CCT3: variants seen among roughly 807,000 people sequenced by gnomAD.
CCT3 encodes the protein chaperonin containing TCP1 subunit 3, also known as T-complex protein 1 subunit gamma.
CCT3 carries 10 observed loss-of-function variants against 65.3 expected under a neutral mutation model. The observed-to-expected ratio is 0.15, with a 90% confidence interval of 0.09 to 0.26. The LOEUF (loss-of-function observed/expected upper bound fraction) is 0.26. Ranked by LOEUF, CCT3 falls within the 10% of genes least tolerant of loss-of-function variation. CCT3 has a pLI of 1.00. For synonymous variants in CCT3, 225 were observed against 242.3 expected, an observed-to-expected ratio of 0.93 and a Z score of 0.66; for missense variants, 626 against 708.7, an observed-to-expected ratio of 0.88 and a Z score of 1.33.
chr1:156,312,269 T>C (rs371896585), intron 10 of CCT3, 48 bp from the exon 11 acceptor site: 169 of 1,570,016 alleles, frequency 1.1e-4, no homozygotes, highest in Non-Finnish European at 1.3e-4. Flanking sequence ...CAGATACTTG[T>C]ACCCATTTCC....
intron 11 of CCT3, among the ~76,000 whole-genome samples, chr1:156,311,461 A>G (rs1454495470): frequency 2.0e-5 from 3 of 152,196 alleles, no homozygotes; most frequent in South Asian, 2.1e-4. Context: ...CCATTATGCT[A>G]GATTAAGAGC....
chr1:156,324,007 C>T (rs1375201272), intron 6 of CCT3, among the ~76,000 whole-genome samples: 1 of 152,012 alleles, frequency 6.6e-6, no homozygotes, highest in Non-Finnish European at 1.5e-5. Flanking sequence ...AGGTGATCCA[C>T]CCGCCTTGGC....
chr1:156,327,010 C>A (rs958940604), intron 5 of CCT3, among the ~76,000 whole-genome samples: 1 of 152,156 alleles, frequency 6.6e-6, no homozygotes, highest in African/African-American at 2.4e-5. Flanking sequence ...TGTGCCCAGG[C>A]ACCCCAGCCT....
chr1:156,327,003 G>A (rs1286059630), intron 5 of CCT3, among the ~76,000 whole-genome samples: 1 of 152,098 alleles, frequency 6.6e-6, no homozygotes, highest in Non-Finnish European at 1.5e-5. Flanking sequence ...TGGAGACTGT[G>A]CCCAGGCACC....
chr1:156,318,847 G>T, intron 8 of CCT3, 21 bp downstream of exon 8: 2 of 1,602,714 alleles, frequency 1.2e-6, no homozygotes, highest in Middle Eastern at 1.8e-4. Context: ...CTACTTTAAG[G>T]AACAAGGCCA....
chr1:156,328,606 A>C (rs534437313), intron 5 of CCT3, among the ~76,000 whole-genome samples: 1,568 of 151,926 alleles, frequency 0.01, 25 homozygotes, highest in African/African-American at 0.036. Flanking sequence ...TCAGGGTTAA[A>C]TGGATTAAGG....
intron 6 of CCT3, among the ~76,000 whole-genome samples, chr1:156,322,719 C>A (rs1000413523): frequency 1.9e-4 from 29 of 151,642 alleles, no homozygotes; most frequent in African/African-American, 6.0e-4. Context: ...ATTAGCCAGG[C>A]GTAGTGGCAC....
chr1:156,309,985 C>T (rs766071819), intron 13 of CCT3, among the ~76,000 whole-genome samples: 4 of 130,456 alleles, frequency 3.1e-5, no homozygotes, highest in African/African-American at 5.9e-5. Flanking sequence ...CTGCAGTGAG[C>T]GGAGACCATG....
chr1:156,311,301 G>T, intron 11 of CCT3, 106 bp from the exon 12 acceptor site: 1 of 1,140,726 alleles, frequency 8.8e-7, no homozygotes, highest in Non-Finnish European at 1.3e-6. Flanking sequence ...CACCAAGGAG[G>T]GCAACTAGAA....
At chr1:156,317,857 T>C (rs893163625) in intron 8 of CCT3, among the ~76,000 whole-genome samples, 1 of 151,848 alleles carries the variant, frequency 6.6e-6, no homozygotes, top group African/African-American at 2.4e-5. Flanking sequence ...TACAGGTGCC[T>C]GCCACCACCC....
At position 156,334,893 on chromosome 1, in the gene CCT3, C is replaced by A. The variant is rs1354001549; in HGVS notation, c.119G>T (p.Cys40Phe). The change falls in exon 3 of 14, where the codon TGT becomes TTT. Residue 40 changes from cysteine (C) to phenylalanine (F), a missense_variant. Physicochemically the swap from Cys to Phe is radical, Grantham distance 205. Transcript: ENST00000295688. Reference protein sequence around the residue: ...AKTIADIIRTCLGPKSMMKML... With the variant: ...AKTIADIIRTFLGPKSMMKML... ...CTTCATCATGGACTTGGGTCCCAAA[C>A]ATGTTCGGATGATATCTGCAATAGT... is the stretch of plus-strand genomic sequence containing the variant. The A allele has an allele frequency of 1.2e-6, 2 of 1,614,060 alleles. No individual in the cohort carries two copies. The highest frequency in any genetic ancestry group is 1.7e-6 in the Non-Finnish European group (2 of 1,179,988).
At chr1:156,322,294 T>C (rs1664588564) in intron 6 of CCT3, among the ~76,000 whole-genome samples, 1 of 152,006 alleles carries the variant, frequency 6.6e-6, no homozygotes, top group Non-Finnish European at 1.5e-5. Context: ...GTCAGGAGTT[T>C]GAGACCAGCT....
rs549653555 is a variant in CCT3 at position 156,325,577 on chromosome 1, ATT to A, written c.305-490_305-489del. ...ATTCTAGGGCTTACTTATTCTTTTG[ATT>A]TTTTTTTTTTTTTTTTGAGAAGCAG... On this transcript the variant is annotated intron_variant, in intron 5 of 13. Coordinates refer to ENST00000295688, the MANE Select transcript of CCT3 (RefSeq NM_005998.5). 2.0e-3 allele frequency among the ~76,000 whole-genome samples: 278 copies of A among 137,882 alleles called. 2 individuals are homozygous for A. The highest frequency in any genetic ancestry group is 5.4e-3 in the African/African-American group (205 of 37,616). The allele number at this position is 137,882 out of a possible 152,430, so 90.5% of individuals were successfully genotyped here.
intron 5 of CCT3, among the ~76,000 whole-genome samples, chr1:156,328,378 G>A (rs1041634152): frequency 5.9e-5 from 9 of 152,084 alleles, no homozygotes; most frequent in African/African-American, 2.2e-4. Flanking sequence ...CATTGAGAAC[G>A]GGCCATGATG....
chr1:156,327,536 G>A (rs1190776056), intron 5 of CCT3, among the ~76,000 whole-genome samples: 3 of 152,208 alleles, frequency 2.0e-5, no homozygotes, highest in African/African-American at 4.8e-5. Context: ...CGAGTGATCC[G>A]CCAGCCCCGG....
intron 11 of CCT3, among the ~76,000 whole-genome samples, chr1:156,311,550 C>T (rs1199957059): frequency 1.3e-5 from 2 of 152,152 alleles, no homozygotes; most frequent in African/African-American, 4.8e-5. Context: ...TAACCTATTC[C>T]ACCCCTTCCT....
At chr1:156,338,101 T>A in intron 1 of CCT3, 53 bp downstream of exon 1, 1 of 1,559,374 alleles carries the variant, frequency 6.4e-7, no homozygotes, top group Non-Finnish European at 8.7e-7. Flanking sequence ...CTGAAAAGTA[T>A]GGACAGAAGA....
intron 10 of CCT3, among the ~76,000 whole-genome samples, chr1:156,313,609 C>T (rs1293804725): frequency 2.6e-5 from 4 of 152,150 alleles, no homozygotes; most frequent in Non-Finnish European, 4.4e-5. Context: ...TTACTTCCAT[C>T]GATGCTTTGT....
chr1:156,336,271 G>A (rs900461083), intron 1 of CCT3, among the ~76,000 whole-genome samples: 4 of 138,014 alleles, frequency 2.9e-5, no homozygotes, highest in Non-Finnish European at 6.2e-5. Context: ...GAAAATGAGA[G>A]ATACTGCAAT....
Sources: gnomAD v4.1 joint callset for allele counts (sites outside exome capture counted in the v4.1 genomes callset) on GRCh38, gnomAD v4.1.1 for gene constraint, MANE v1.5 for transcripts, NCBI Gene and HGNC (gene_info 2026-07-23, HGNC 2026-07-21) for gene names.